NOP56: variants seen among roughly 807,000 people sequenced by gnomAD.
NOP56 encodes the protein NOP56 ribonucleoprotein.
NOP56 carries 31 observed loss-of-function variants against 58.3 expected under a neutral mutation model. The observed-to-expected ratio is 0.53, with a 90% confidence interval of 0.40 to 0.72. The LOEUF is 0.72. NOP56 is among the 30% of genes least tolerant of loss of function. NOP56 has a pLI of 0.00. For synonymous variants in NOP56, 313 were observed against 282.8 expected (o/e 1.11, Z -1.07); for missense variants, 669 against 739.9 (o/e 0.90, Z 1.11).
At chr20:2,657,836 T>C (rs2086846893) in intron 11 of NOP56, 93 bp from the exon 12 acceptor site, 1 of 1,393,234 alleles carries the variant, frequency 7.2e-7, no homozygotes, top group Non-Finnish European at 9.7e-7. Flanking sequence ...CTGGGCAATG[T>C]TAACGACACG....
intron 2 of NOP56, 159 bp from the exon 3 acceptor site, chr20:2,653,120 C>T (rs2086771969): frequency 5.1e-6 from 4 of 789,824 alleles, no homozygotes; most frequent in Non-Finnish European, 8.3e-6. Context: ...AGAAATAAGC[C>T]TCCCGGACGC....
At chr20:2,656,063 A>G in intron 8 of NOP56, 29 bp downstream of exon 8, 1 of 1,614,042 alleles carries the variant, frequency 6.2e-7, no homozygotes, top group Non-Finnish European at 8.5e-7. Context: ...GCCCACAATC[A>G]GGTGCCACTT....
chr20:2,654,592 T>C lies in NOP56; in HGVS notation c.370+17T>C, dbSNP rs1393417944. On this transcript the variant is annotated intron_variant, in intron 4 of 11. Coordinates refer to ENST00000329276, the MANE Select transcript of NOP56 (RefSeq NM_006392.4). ...TCCTGCGAGGTGAGACCATCATCTG[T>C]TATATTCCTGTTATCCTGGACATTT... 3 of 1,613,548 alleles carry C rather than the reference T, an allele frequency of 1.9e-6. No homozygotes were observed. The highest frequency in any genetic ancestry group is 1.7e-5 in the Admixed American group (1 of 60,014).
intron 11 of NOP56, 35 bp downstream of exon 11, chr20:2,657,253 G>C (rs1482059066): frequency 6.2e-7 from 1 of 1,613,494 alleles, no homozygotes; most frequent in South Asian, 1.1e-5. Context: ...AGAGATCCTA[G>C]GTTGTAGGAT....
chr20:2,657,286 A>G (rs1207756288), intron 11 of NOP56, 68 bp downstream of exon 11: 3 of 1,601,504 alleles, frequency 1.9e-6, no homozygotes, highest in Non-Finnish European at 1.7e-6. Flanking sequence ...AACAAAGGAT[A>G]TGCTGCATCA....
intron 9 of NOP56, 112 bp downstream of exon 9, chr20:2,656,661 A>T (rs1321750854): frequency 1.2e-6 from 2 of 1,606,734 alleles, no homozygotes; most frequent in African/African-American, 2.7e-5. Context: ...ACAGCAGTTC[A>T]CCTAGTGAGT....
At chr20:2,654,630 T>G (rs2086794040) in intron 4 of NOP56, 55 bp downstream of exon 4, 1 of 1,607,724 alleles carries the variant, frequency 6.2e-7, no homozygotes, top group African/African-American at 1.3e-5. Flanking sequence ...GGGGAGGAGG[T>G]TCTGGAAACT....
intron 2 of NOP56, 90 bp from the exon 3 acceptor site, chr20:2,653,189 A>T: frequency 1.9e-6 from 2 of 1,075,914 alleles, no homozygotes; most frequent in Non-Finnish European, 2.8e-6. Flanking sequence ...AGCATATTTT[A>T]AGAGCTTCCA....
Position 2,654,935 on chromosome 20 carries a change from C to G in NOP56, c.557C>G (p.Ser186Cys). The change falls in exon 5 of 12, where the codon TCT (serine) becomes TGT (cysteine). Residue 186 changes from serine (S) to cysteine (C), a missense_variant. Physicochemically the swap from Ser to Cys is moderately radical, Grantham distance 112. Coordinates refer to ENST00000329276, the MANE Select transcript of NOP56 (RefSeq NM_006392.4). ...DQLDKDINTFSMRVREWYGYH... is the reference protein window; with the variant it reads ...DQLDKDINTFCMRVREWYGYH... ...CTGGATAAGGACATCAATACCTTCT[C>G]TATGCGTGTCAGGTAAAGTGCAGGG... 6.2e-7 allele frequency: 1 copy of G among 1,614,176 alleles called. No individual in the cohort carries two copies. Among genetic ancestry groups the G allele is most frequent in the Non-Finnish European group, 8.5e-7 (1 of 1,180,044 alleles).
At chr20:2,654,083 T>C in intron 3 of NOP56, 1 of 516,626 alleles carries the variant, frequency 1.9e-6, no homozygotes, top group Non-Finnish European at 3.8e-6. Flanking sequence ...AAACACAGGC[T>C]GAGAAAAAAA....
At chr20:2,654,969 T>A (rs2086798006) in intron 5 of NOP56, 22 bp downstream of exon 5, 1 of 1,612,790 alleles carries the variant, frequency 6.2e-7, no homozygotes, top group African/African-American at 1.3e-5. Flanking sequence ...GGGCCACCCA[T>A]AATACTGGAG....
In NOP56 at chr20:2,652,637, G is replaced by T. The variant is rs1486440626; in HGVS notation, c.-24G>T. The T allele has an allele frequency of 7.1e-7, 1 of 1,407,846 alleles. No individual in the cohort carries two copies. Among genetic ancestry groups the T allele is most frequent in the Non-Finnish European group, 9.2e-7 (1 of 1,088,718 alleles). 87.2% of individuals were successfully genotyped at this position (1,407,846 alleles called of 1,614,324 possible). The stretch of plus-strand genomic sequence containing the variant: ...CGCCGGAGCGCGCTAGCCGCATTGC[G>T]AGCCGAACCCGGGAGCTGGCGCCAT... On this transcript the variant is annotated 5_prime_UTR_variant, in exon 1 of 12. Transcript: ENST00000329276.
chr20:2,654,338 C>T (rs2086789669), intron 3 of NOP56, 76 bp from the exon 4 acceptor site: 25 of 1,535,766 alleles, frequency 1.6e-5, no homozygotes, highest in Non-Finnish European at 2.2e-5. Context: ...TCGGTGGGAC[C>T]AGGGTAGTCA....
At chr20:2,654,064 C>A in intron 3 of NOP56, 1 of 466,532 alleles carries the variant, frequency 2.1e-6, no homozygotes, top group Admixed American at 2.3e-5. Flanking sequence ...TTGGAAAGGG[C>A]AGTTGGGTAA....
intron 1 of NOP56, 83 bp downstream of exon 1, chr20:2,652,746 G>C (rs1490289236): frequency 2.0e-6 from 3 of 1,530,148 alleles, no homozygotes; most frequent in Non-Finnish European, 2.6e-6. Flanking sequence ...CCTGGGCCTG[G>C]GCCTGGGCCT....
rs2086775823 is a variant in NOP56, at chr20:2,653,327, C to T, written c.142C>T (p.Leu48=). 2 of 1,614,208 alleles carry T rather than the reference C, an allele frequency of 1.2e-6. No homozygotes were observed. Among genetic ancestry groups the T allele is most frequent in the Admixed American group, 1.7e-5 (1 of 60,028 alleles). Residue 48 remains leucine, a synonymous_variant, in exon 3 of 12, where the codon CTG becomes TTG. Transcript: ENST00000329276. The part of the protein sequence containing the change: ...NLGKFHSIVR[L]VAFCPFASSQ... ...GGGCAAATTCCACAGCATCGTTCGT[C>T]TGGTGGCCTTTTGTCCCTTTGCCTC...
intron 3 of NOP56, chr20:2,653,706 C>T (rs1568540432): frequency 1.8e-5 from 5 of 272,464 alleles, no homozygotes; most frequent in Non-Finnish European, 2.9e-5. Flanking sequence ...GGCTGGAGTG[C>T]AGTGGCAAGA....
chr20:2,654,663 G>A, intron 4 of NOP56, 86 bp from the exon 5 acceptor site: 1 of 1,605,468 alleles, frequency 6.2e-7, no homozygotes, highest in East Asian at 2.2e-5. Context: ...GTGATTTCTG[G>A]GAAGGCCTTC....
intron 9 of NOP56, 102 bp downstream of exon 9, chr20:2,656,651 A>G (rs776010368): frequency 7.5e-6 from 12 of 1,607,026 alleles, no homozygotes; most frequent in South Asian, 1.1e-5. Context: ...TTTTTCGTCA[A>G]CAGCAGTTCA....
Sources: allele counts gnomAD v4.1 joint callset, GRCh38; gene constraint gnomAD v4.1.1; transcripts MANE v1.5; gene names NCBI Gene and HGNC (gene_info 2026-07-23, HGNC 2026-07-21).